CFAP20DC: variants seen among roughly 807,000 people sequenced by gnomAD.
CFAP20DC encodes CFAP20 domain containing, also known as protein CFAP20DC.
CFAP20DC carries 84 observed loss-of-function variants against 101.7 expected under a neutral mutation model. The observed-to-expected ratio is 0.83, with a 90% CI of 0.69 to 0.99. CFAP20DC has a LOEUF of 0.99. Ranked by LOEUF, CFAP20DC falls within the 50% of genes least tolerant of loss-of-function variation. CFAP20DC has a pLI of 0.00. For missense variants in CFAP20DC, 1,007 were observed against 970.3 expected (o/e 1.04, Z -0.50); for synonymous variants, 359 against 351.2 (o/e 1.02, Z -0.25).
At chr3:58,717,244 A>G (rs2107035761), downstream of CFAP20DC, 1 of 176,848 alleles carries the variant, frequency 5.7e-6, no homozygotes, top group Non-Finnish European at 1.2e-5. The surrounding 1 kb of genome is among the most constrained non-coding windows in gnomAD (Gnocchi z 4.1). Context: ...GGGTAGGACG[A>G]TGAAGGTGTA....
chr3:58,825,538 A>AACACACACACACACACAC (rs4020376), intron 14 of CFAP20DC, among the ~76,000 whole-genome samples: 1 of 149,712 alleles, frequency 6.7e-6, no homozygotes, highest in African/African-American at 2.5e-5. Context: ...AAAAAAAGAA[A>AACACACACACACACACAC]ACACACACAC....
intron 4 of CFAP20DC, among the ~76,000 whole-genome samples, chr3:58,993,366 C>T (rs571276176): frequency 5.9e-5 from 9 of 152,214 alleles, no homozygotes; most frequent in Admixed American, 2.6e-4. Context: ...AAATAGAGAA[C>T]GCTGTTTACC....
chr3:59,023,270 T>C (rs1225777592), intron 4 of CFAP20DC, among the ~76,000 whole-genome samples: 2 of 152,032 alleles, frequency 1.3e-5, no homozygotes, highest in East Asian at 3.9e-4. Context: ...AGACCAACCA[T>C]GCACAGAGAA....
intron 4 of CFAP20DC, among the ~76,000 whole-genome samples, chr3:59,030,965 A>AG (rs1320898761): frequency 2.0e-5 from 3 of 152,034 alleles, no homozygotes; most frequent in Non-Finnish European, 4.4e-5. Flanking sequence ...CTGGGACTAC[A>AG]GGCGCCCGCC....
At chr3:58,813,923 C>A (rs1457323430) in intron 14 of CFAP20DC, among the ~76,000 whole-genome samples, 1 of 151,844 alleles carries the variant, frequency 6.6e-6, no homozygotes, top group Non-Finnish European at 1.5e-5. Context: ...CGGCAATTTG[C>A]AAGTGAAATT....
rs1430291096 is a variant in CFAP20DC at position 58,813,353 on chromosome 3, C to G, written c.2176-6897G>C. Among the ~76,000 whole-genome samples, 10 of 151,996 alleles carry G rather than the reference C, an allele frequency of 6.6e-5. No homozygotes were observed. In the East Asian group the frequency reaches 1.7e-3, roughly 26 times the overall value. ...TCCATCCTCTTTTTGAACATCAGCTCTAAGTATTTATGTGGTTAGCAACAA... is the reference window on the plus strand; with the variant it reads ...TCCATCCTCTTTTTGAACATCAGCTGTAAGTATTTATGTGGTTAGCAACAA... On this transcript the variant is annotated intron_variant, in intron 14 of 16. Coordinates refer to ENST00000482387, the MANE Select transcript of CFAP20DC (RefSeq NM_001394063.1).
chr3:58,935,659 A>G (rs1271866404), intron 5 of CFAP20DC, among the ~76,000 whole-genome samples: 1 of 152,178 alleles, frequency 6.6e-6, no homozygotes, highest in African/African-American at 2.4e-5. Context: ...ACCTGAGAAA[A>G]ACAGCAATGG....
At chr3:58,933,387 C>T (rs1379385815) in intron 5 of CFAP20DC, among the ~76,000 whole-genome samples, 1 of 150,922 alleles carries the variant, frequency 6.6e-6, no homozygotes, top group South Asian at 2.1e-4. Context: ...AACAAGGATA[C>T]CCAGGAATTG....
At position 58,913,994 on chromosome 3, in the gene CFAP20DC, C is replaced by T. The variant is rs1230724147; in HGVS notation, c.394-130G>A. ...CAACAAGCCCCAAACTAATTTTCCT[C>T]TTTAGGTAAACTTATCTCTGTTTTG... On this transcript the variant is annotated intron_variant, in intron 5 of 16. Coordinates refer to ENST00000482387, the MANE Select transcript of CFAP20DC (RefSeq NM_001394063.1). This position sits in a 1 kb window ranked among gnomAD's most constrained non-coding sequence, Gnocchi z 4.4. 4 of 927,582 alleles carry T rather than the reference C, an allele frequency of 4.3e-6. No individual in the cohort carries two copies. In the African/African-American group the frequency reaches 6.7e-5, roughly 15 times the overall value. 57.5% of individuals were successfully genotyped at this position (927,582 alleles called of 1,614,324 possible).
Position 58,849,346 on chromosome 3 carries a change from T to A in CFAP20DC, c.1657A>T (p.Thr553Ser). Residue 553 changes from threonine to serine, a missense_variant, in exon 13 of 17, where the codon ACA becomes TCA. Thr to Ser is a moderately conservative substitution (Grantham distance 58). Transcript: ENST00000482387. ...GCCTTCCCCAGCAGGCTCTCTAATGTTAACTGAGTTAACTCTGAAGGACCA... is the reference window on the plus strand; with the variant it reads ...GCCTTCCCCAGCAGGCTCTCTAATGATAACTGAGTTAACTCTGAAGGACCA... ...TTGPSELTQL[T>S]LESLLGKAAK... is the part of the protein sequence containing the mutation. 1 of 1,536,068 alleles carries A rather than the reference T, an allele frequency of 6.5e-7. No homozygotes were observed. The highest frequency in any genetic ancestry group is 8.7e-7 in the Non-Finnish European group (1 of 1,146,818).
intron 15 of CFAP20DC, among the ~76,000 whole-genome samples, chr3:58,765,769 A>C (rs2070252516): frequency 6.6e-6 from 1 of 152,142 alleles, no homozygotes. Flanking sequence ...GTCTATCCAT[A>C]CTTAATGATA....
intron 15 of CFAP20DC, among the ~76,000 whole-genome samples, chr3:58,760,528 C>T (rs1277625245): frequency 6.6e-6 from 1 of 152,040 alleles, no homozygotes; most frequent in Non-Finnish European, 1.5e-5. Flanking sequence ...CCCTTTATTT[C>T]CTTCTCCTGC....
At chr3:58,993,824 G>C (rs1183273299) in intron 4 of CFAP20DC, among the ~76,000 whole-genome samples, 1 of 152,130 alleles carries the variant, frequency 6.6e-6, no homozygotes, top group African/African-American at 2.4e-5. Flanking sequence ...TCTTTATCCA[G>C]TCTATCAATG....
At chr3:58,752,506 T>C (rs79815155) in intron 16 of CFAP20DC, among the ~76,000 whole-genome samples, 8,427 of 152,160 alleles carry the variant, frequency 0.055, 509 homozygotes, top group East Asian at 0.35. Flanking sequence ...TGTTTCTTGC[T>C]AATATATACC....
At chr3:58,867,653 G>GC (rs2079807676) in intron 10 of CFAP20DC, among the ~76,000 whole-genome samples, 164 bp downstream of exon 10, 3 of 152,098 alleles carry the variant, frequency 2.0e-5, no homozygotes, top group Admixed American at 2.0e-4. Context: ...GGGATCTAGA[G>GC]CAATTCTTTT....
intron 14 of CFAP20DC, among the ~76,000 whole-genome samples, chr3:58,825,946 C>T (rs2076008482): frequency 6.6e-6 from 1 of 152,172 alleles, no homozygotes; most frequent in Admixed American, 6.5e-5. Flanking sequence ...ACCTTTTAAA[C>T]AGTACATATT....
intron 4 of CFAP20DC, among the ~76,000 whole-genome samples, chr3:58,991,018 T>C (rs2092920150): frequency 6.6e-6 from 1 of 152,124 alleles, no homozygotes; most frequent in Non-Finnish European, 1.5e-5. Flanking sequence ...CTCAGCAACT[T>C]TACTTGGCAC....
chr3:58,904,951 C>A (rs2083458638), intron 6 of CFAP20DC, among the ~76,000 whole-genome samples: 1 of 152,194 alleles, frequency 6.6e-6, no homozygotes, highest in Admixed American at 6.5e-5. Context: ...AATAGCCAAT[C>A]TTTAATTCAT....
At position 58,991,371 on chromosome 3, in the gene CFAP20DC, C is replaced by T. The variant is rs114890941; in HGVS notation, c.278+48186G>A. Among the ~76,000 whole-genome samples the T allele has an allele frequency of 7.3e-3, 1,108 of 152,264 alleles. 16 individuals are homozygous for T. Among genetic ancestry groups the T allele is most frequent in the African/African-American group, 0.025 (1,055 of 41,542 alleles). ...CTTCTAAAGGCTACATATGAAACAG[C>T]ATGTTCAATAAATATTCACTGAATA... On this transcript the variant is annotated intron_variant, in intron 4 of 16. Transcript: ENST00000482387.
Sources: allele counts gnomAD v4.1 joint callset (sites outside exome capture counted in the v4.1 genomes callset), GRCh38; gene constraint gnomAD v4.1.1; non-coding constraint Gnocchi (gnomAD v3.1); transcripts MANE v1.5; gene names NCBI Gene and HGNC (gene_info 2026-07-23, HGNC 2026-07-21).